The following GMDS variants were observed in gnomAD, a reference collection of about 807,000 sequenced individuals.
GMDS encodes the protein GDP-mannose 4,6 dehydratase.
Under a neutral mutation model 49.9 loss-of-function variants are expected in GMDS, and 20 were observed. The ratio of observed to expected loss-of-function variants is 0.40; its 90% confidence interval spans 0.28 to 0.58. The LOEUF is 0.58. GMDS is among the 20% of genes least tolerant of loss of function. The pLI is 0.42. For synonymous variants in GMDS, 177 were observed against 178.6 expected (o/e 0.99, Z 0.07); for missense variants, 362 against 481.4 (o/e 0.75, Z 2.32).
chr6:2,089,138 T>C (rs1040592930), intron 4 of GMDS, among the ~76,000 whole-genome samples: 1 of 152,212 alleles, frequency 6.6e-6, no homozygotes, highest in African/African-American at 2.4e-5. Context: ...ATGTCATGAA[T>C]AAATGGTGCT....
At chr6:2,175,303 A>T (rs1778221910) in intron 1 of GMDS, among the ~76,000 whole-genome samples, 1 of 152,258 alleles carries the variant, frequency 6.6e-6, no homozygotes. Flanking sequence ...AAATATTATT[A>T]ACCTTTAAAA....
At chr6:1,985,378 C>A (rs1440953221) in intron 4 of GMDS, among the ~76,000 whole-genome samples, 11 of 134,796 alleles carry the variant, frequency 8.2e-5, no homozygotes, top group African/African-American at 2.7e-4. Flanking sequence ...TACAGGCTTG[C>A]AAACCGATTT....
chr6:1,864,755 C>T (rs1758360611), intron 7 of GMDS, among the ~76,000 whole-genome samples: 1 of 152,202 alleles, frequency 6.6e-6, no homozygotes, highest in Non-Finnish European at 1.5e-5. Context: ...ACCTGATCTC[C>T]CCTCCTCTGA....
chr6:2,183,636 A>T (rs1175709351), intron 1 of GMDS, among the ~76,000 whole-genome samples: 1 of 152,216 alleles, frequency 6.6e-6, no homozygotes, highest in Non-Finnish European at 1.5e-5. Context: ...CCCTTTTTTA[A>T]AGAAGTTCTA....
chr6:1,865,448 G>A (rs2113793017), intron 7 of GMDS, among the ~76,000 whole-genome samples: 1 of 152,108 alleles, frequency 6.6e-6, no homozygotes, highest in East Asian at 1.9e-4. Context: ...GCAAAAATGA[G>A]GTGAAATTTT....
At chr6:2,236,553 T>C (rs1201863825) in intron 1 of GMDS, among the ~76,000 whole-genome samples, 5 of 152,198 alleles carry the variant, frequency 3.3e-5, no homozygotes, top group Non-Finnish European at 7.3e-5. Flanking sequence ...AATAAACACG[T>C]TTATCAATAT....
In GMDS at chr6:2,037,121, A is replaced by C. The variant is rs148993134; in HGVS notation, c.346-76155T>G. On this transcript the variant is annotated intron_variant, in intron 4 of 10. Transcript: ENST00000380815. ...AGCTGAAGAAATGGTTCAGTCAGGC[A>C]AACTGTCTGGGTATCAACACTTCAT... Among the ~76,000 whole-genome samples, 633 of 152,214 alleles carry C rather than the reference A, an allele frequency of 4.2e-3. 2 individuals are homozygous for C. The highest frequency in any genetic ancestry group is 6.7e-3 in the Admixed American group (102 of 15,290).
intron 7 of GMDS, among the ~76,000 whole-genome samples, chr6:1,863,335 T>C (rs988066114): frequency 1.3e-5 from 2 of 152,178 alleles, no homozygotes; most frequent in African/African-American, 4.8e-5. Context: ...AGGGTATATT[T>C]TTCCTTATTT....
At chr6:1,967,975 C>T (rs1170127467) in intron 4 of GMDS, among the ~76,000 whole-genome samples, 1 of 152,182 alleles carries the variant, frequency 6.6e-6, no homozygotes, top group African/African-American at 2.4e-5. Context: ...CTGTAGTCTA[C>T]AAAATGGAAT....
At chr6:2,132,104 C>A (rs1053044112) in intron 1 of GMDS, among the ~76,000 whole-genome samples, 1 of 152,158 alleles carries the variant, frequency 6.6e-6, no homozygotes, top group South Asian at 2.1e-4. Flanking sequence ...GATGAGGAAT[C>A]TGAGGTGAAT....
intron 1 of GMDS, among the ~76,000 whole-genome samples, chr6:2,131,821 C>T (rs1399309469): frequency 3.4e-5 from 5 of 146,290 alleles, no homozygotes; most frequent in African/African-American, 5.1e-5. Flanking sequence ...TTTTTCTTAA[C>T]GTAAGCTCCT....
chr6:1,853,054 C>G (rs527886995), intron 7 of GMDS, among the ~76,000 whole-genome samples: 25 of 152,066 alleles, frequency 1.6e-4, no homozygotes, highest in Admixed American at 3.3e-4. Context: ...CATTTCTGTC[C>G]TTGTTGAGAG....
At chr6:2,220,153 G>T (rs972849767) in intron 1 of GMDS, among the ~76,000 whole-genome samples, 1 of 152,170 alleles carries the variant, frequency 6.6e-6, no homozygotes, top group African/African-American at 2.4e-5. Context: ...AGATGACTCC[G>T]GAGGAAACAT....
At chr6:1,875,032 A>G (rs1256764897) in intron 7 of GMDS, among the ~76,000 whole-genome samples, 1 of 152,242 alleles carries the variant, frequency 6.6e-6, no homozygotes, top group Non-Finnish European at 1.5e-5. Flanking sequence ...AAAAGTTTAA[A>G]TATTCAGTTG....
chr6:2,092,086 A>G (rs1224845689), intron 4 of GMDS, among the ~76,000 whole-genome samples: 1 of 152,188 alleles, frequency 6.6e-6, no homozygotes, highest in Admixed American at 6.5e-5. Flanking sequence ...ATGGATTCCC[A>G]AGGAAAGAAA....
chr6:2,054,749 CA>C (rs964132996), intron 4 of GMDS, among the ~76,000 whole-genome samples: 9 of 151,360 alleles, frequency 5.9e-5, no homozygotes, highest in East Asian at 1.9e-4. Context: ...ATTTTTTACC[CA>C]GGGGGGGAAA....
intron 7 of GMDS, among the ~76,000 whole-genome samples, chr6:1,743,508 A>G (rs1767361941): frequency 7.4e-6 from 1 of 134,782 alleles, no homozygotes; most frequent in African/African-American, 2.7e-5. Flanking sequence ...GCGCCACTGC[A>G]CTCCAGCCTG....
intron 7 of GMDS, among the ~76,000 whole-genome samples, chr6:1,828,018 A>T (rs1021512766): frequency 1.3e-5 from 2 of 152,190 alleles, no homozygotes; most frequent in Non-Finnish European, 2.9e-5. Context: ...CTTTAAGGTA[A>T]TCAAAGATCT....
In GMDS at chr6:1,624,152, G is replaced by T. The variant is rs1205240664; in HGVS notation, c.*17C>A. On this transcript the variant is annotated 3_prime_UTR_variant, in exon 11 of 11. Transcript: ENST00000380815. ...GGGGATTGTAGCCGGAGGGCGGGCC[G>T]GGCTCCGAGGCGCTGCTCAGGCATT... 5.6e-6 allele frequency: 9 copies of T among 1,604,452 alleles called. No homozygotes were observed. Among genetic ancestry groups the T allele is most frequent in the Non-Finnish European group, 7.6e-6 (9 of 1,178,010 alleles).
Sources: allele counts gnomAD v4.1 joint callset (sites outside exome capture counted in the v4.1 genomes callset), GRCh38; gene constraint gnomAD v4.1.1; transcripts MANE v1.5; gene names NCBI Gene and HGNC (gene_info 2026-07-23, HGNC 2026-07-21).